Variants in UPRT observed in about 807,000 individuals in gnomAD.
The protein encoded by UPRT is uracil phosphoribosyltransferase homolog.
Under a neutral mutation model 22.6 loss-of-function variants are expected in UPRT, and 5 were observed. The ratio of observed to expected loss-of-function variants is 0.22; its 90% CI spans 0.12 to 0.47. The LOEUF (loss-of-function observed/expected upper bound fraction) is 0.47. UPRT is among the 20% of genes least tolerant of loss of function. UPRT has a pLI of 0.99. For missense variants in UPRT, 181 were observed against 239.9 expected, an observed-to-expected ratio of 0.75 and a Z score of 1.62; for synonymous variants, 77 against 87.7, an observed-to-expected ratio of 0.88 and a Z score of 0.68.
intron 4 of UPRT, among the ~76,000 whole-genome samples, chrX:75,203,321 G>A (rs1474463812): frequency 9.0e-6 from 1 of 111,154 alleles, no homozygotes; most frequent in Non-Finnish European, 1.9e-5. Flanking sequence ...CCTACAAAGA[G>A]ACTCAGACTC....
At chrX:75,180,681 G>GTTTTTTTTTTTTTTTTTT (rs59522302) in intron 4 of UPRT, among the ~76,000 whole-genome samples, 4 of 43,894 alleles carry the variant, frequency 9.1e-5, no homozygotes, top group Admixed American at 3.6e-4. Flanking sequence ...CCTTTTCTCT[G>GTTTTTTTTTTTTTTTTTT]TTTTTTTTTT....
At chrX:75,208,468 A>G (rs2082372227) in intron 4 of UPRT, among the ~76,000 whole-genome samples, 1 of 111,694 alleles carries the variant, frequency 9.0e-6, no homozygotes, top group Admixed American at 9.6e-5. Context: ...AGTGAAACCA[A>G]AAAGACTTTG....
intron 2 of UPRT, among the ~76,000 whole-genome samples, chrX:75,294,319 A>C (rs987991886): frequency 9.0e-6 from 1 of 110,949 alleles, no homozygotes; most frequent in African/African-American, 3.3e-5. Context: ...TATTTCACTA[A>C]AATTGCGTGA....
upstream of UPRT, among the ~76,000 whole-genome samples, chrX:75,272,499 G>A (rs1007877729): frequency 2.8e-5 from 3 of 107,305 alleles, no homozygotes; most frequent in African/African-American, 1.0e-4. Flanking sequence ...ACCAAACATT[G>A]TATGTTCTCA....
intron 4 of UPRT, among the ~76,000 whole-genome samples, chrX:75,183,128 T>C (rs1263546275): frequency 9.0e-6 from 1 of 110,818 alleles, no homozygotes. Context: ...ACCCATTAAC[T>C]CATCATTTAC....
At chrX:75,284,707 G>T (rs918679476) in intron 1 of UPRT, among the ~76,000 whole-genome samples, 1 of 111,541 alleles carries the variant, frequency 9.0e-6, no homozygotes, top group East Asian at 2.8e-4. Flanking sequence ...GTGGCAGGGG[G>T]GGGTGCAGTG....
At chrX:75,261,904 G>C (rs1166783034) in intron 4 of UPRT, among the ~76,000 whole-genome samples, 3 of 110,860 alleles carry the variant, frequency 2.7e-5, no homozygotes, top group Non-Finnish European at 5.7e-5. Flanking sequence ...CACATAAACA[G>C]AACCATTCAA....
At chrX:75,251,512 G>A (rs2082529726) in intron 4 of UPRT, among the ~76,000 whole-genome samples, 1 of 111,210 alleles carries the variant, frequency 9.0e-6, no homozygotes, top group Middle Eastern at 4.2e-3. Context: ...CAAGGGACGT[G>A]AAGGACCTCT....
At chrX:75,281,213 G>C (rs986859849) in intron 1 of UPRT, among the ~76,000 whole-genome samples, 1 of 111,474 alleles carries the variant, frequency 9.0e-6, no homozygotes, top group Non-Finnish European at 1.9e-5. Context: ...TCAGCAAACA[G>C]TGACAGTCTG....
At chrX:75,239,955 A>C (rs2147651555) in intron 4 of UPRT, among the ~76,000 whole-genome samples, 1 of 111,661 alleles carries the variant, frequency 9.0e-6, no homozygotes, top group South Asian at 3.8e-4. Context: ...TTAAGGTAAT[A>C]GAAGTTATCT....
intron 4 of UPRT, among the ~76,000 whole-genome samples, chrX:75,186,830 G>A (rs1322790404): frequency 9.0e-6 from 1 of 111,427 alleles, no homozygotes; most frequent in Non-Finnish European, 1.9e-5. Context: ...TTTTATCAGA[G>A]ACTAGGATTG....
chrX:75,291,598 G>A, intron 1 of UPRT: 1 of 140,890 alleles, frequency 7.1e-6, no homozygotes, highest in Non-Finnish European at 1.4e-5. Flanking sequence ...TCTTAACAAT[G>A]TTAAAGATTT....
At chrX:75,214,988 C>G (rs941272666) in intron 4 of UPRT, among the ~76,000 whole-genome samples, 1 of 106,817 alleles carries the variant, frequency 9.4e-6, no homozygotes, top group Admixed American at 1.0e-4. Flanking sequence ...CACACACACA[C>G]ACACACACAC....
intron 4 of UPRT, among the ~76,000 whole-genome samples, chrX:75,174,763 ACTGT>A (rs2082241470): frequency 1.8e-5 from 2 of 112,134 alleles, no homozygotes; most frequent in African/African-American, 6.5e-5. Flanking sequence ...TTTCTTGCAA[ACTGT>A]CTGAGAGGCA....
At chrX:75,266,285 G>A (rs764014299) in intron 4 of UPRT, among the ~76,000 whole-genome samples, 8 of 110,623 alleles carry the variant, frequency 7.2e-5, no homozygotes, top group Non-Finnish European at 1.1e-4. Flanking sequence ...AAATAATGCC[G>A]CATATCTACA....
At chrX:75,222,366 T>C (rs956430256) in intron 4 of UPRT, among the ~76,000 whole-genome samples, 3 of 111,621 alleles carry the variant, frequency 2.7e-5, no homozygotes, top group African/African-American at 9.8e-5. Flanking sequence ...CTCAAGGCTC[T>C]AGGGCTCTCC....
chrX:75,219,063 G>A (rs761593044), intron 4 of UPRT, among the ~76,000 whole-genome samples: 153 of 111,733 alleles, frequency 1.4e-3, no homozygotes, highest in Middle Eastern at 4.6e-3. Context: ...AAAAAAAAGA[G>A]TGTTGTTACT....
chrX:75,179,926 G>A (rs766538871), intron 4 of UPRT, among the ~76,000 whole-genome samples: 1 of 112,944 alleles, frequency 8.9e-6, no homozygotes, highest in East Asian at 2.8e-4. Flanking sequence ...CAAGCTGAGG[G>A]AGTGGGCTCC....
At chrX:75,228,948 C>A (rs2082430364) in intron 4 of UPRT, among the ~76,000 whole-genome samples, 1 of 111,690 alleles carries the variant, frequency 9.0e-6, no homozygotes, top group South Asian at 3.7e-4. Flanking sequence ...TTGTGGAATC[C>A]AAAAAAGTCA....
Sources: gnomAD v4.1 joint callset for allele counts (sites outside exome capture counted in the v4.1 genomes callset) on GRCh38, gnomAD v4.1.1 for gene constraint, MANE v1.5 for transcripts, NCBI Gene and HGNC (gene_info 2026-07-23, HGNC 2026-07-21) for gene names.